The following CDKL4 variants were observed in gnomAD, a reference collection of about 807,000 sequenced individuals.
CDKL4 encodes cyclin dependent kinase like 4, also known as cyclin-dependent kinase-like 4.
CDKL4 carries 44 observed loss-of-function variants against 42.0 expected under a neutral mutation model. The ratio of observed to expected loss-of-function variants is 1.05; its 90% CI spans 0.82 to 1.35. CDKL4 has a LOEUF of 1.35. Ranked by LOEUF, CDKL4 falls within the 40% of genes most tolerant of loss-of-function variation. The pLI, the probability that CDKL4 is intolerant of heterozygous loss-of-function variation, is 0.00. For synonymous variants in CDKL4, 120 were observed against 121.6 expected (o/e 0.99, Z 0.09); for missense variants, 393 against 369.9 (o/e 1.06, Z -0.51).
chr2:39,182,105 C>T (rs1411829159), intron 8 of CDKL4, among the ~76,000 whole-genome samples: 1 of 152,142 alleles, frequency 6.6e-6, no homozygotes, highest in Non-Finnish European at 1.5e-5. Flanking sequence ...CCTTAGCCTC[C>T]CAAGTAGCTG....
At chr2:39,187,098 T>C (rs1205581397) in intron 7 of CDKL4, among the ~76,000 whole-genome samples, 1 of 152,090 alleles carries the variant, frequency 6.6e-6, no homozygotes, top group Non-Finnish European at 1.5e-5. Context: ...GCTGTTCTCA[T>C]GATAGTAAGG....
chr2:39,237,735 TA>T (rs1378867561), intron 1 of CDKL4, among the ~76,000 whole-genome samples: 1 of 152,110 alleles, frequency 6.6e-6, no homozygotes, highest in Admixed American at 6.6e-5. Flanking sequence ...TATATATGAA[TA>T]TTTTTTTAAA....
intron 3 of CDKL4, among the ~76,000 whole-genome samples, chr2:39,221,676 T>TA (rs1335335826): frequency 6.6e-6 from 1 of 152,218 alleles, no homozygotes; most frequent in Non-Finnish European, 1.5e-5. Flanking sequence ...TTGTAAAACT[T>TA]AAGAGTGCAA....
At chr2:39,177,135 T>G (rs1675197559) in intron 9 of CDKL4, among the ~76,000 whole-genome samples, 1 of 152,198 alleles carries the variant, frequency 6.6e-6, no homozygotes. Flanking sequence ...TTCCTTTTGC[T>G]GCCTCTGGGC....
chr2:39,239,557 A>G (rs1285393217), intron 1 of CDKL4, among the ~76,000 whole-genome samples: 3 of 152,264 alleles, frequency 2.0e-5, no homozygotes, highest in Non-Finnish European at 2.9e-5. Flanking sequence ...AGATGTGAAT[A>G]GACATTTTAC....
At chr2:39,233,044 C>CAAAAAAAAAAAAAAA (rs72150084) in intron 1 of CDKL4, among the ~76,000 whole-genome samples, 2 of 66,100 alleles carry the variant, frequency 3.0e-5, no homozygotes. Flanking sequence ...GACTCCATCT[C>CAAAAAAAAAAAAAAA]AAAAAAAAAA....
At chr2:39,241,257 G>A (rs1055520530) in intron 1 of CDKL4, among the ~76,000 whole-genome samples, 2 of 152,090 alleles carry the variant, frequency 1.3e-5, no homozygotes, top group Non-Finnish European at 2.9e-5. Flanking sequence ...AAATTAATAT[G>A]CATGTGTTAT....
chr2:39,198,260 T>TAA (rs55994878), intron 5 of CDKL4, among the ~76,000 whole-genome samples: 98,885 of 146,442 alleles, frequency 0.68, 36,811 homozygotes, highest in Non-Finnish European at 0.84. Flanking sequence ...TATATAATGA[T>TAA]AAAAAAAAAA....
intron 9 of CDKL4, among the ~76,000 whole-genome samples, chr2:39,177,518 C>A (rs1259182834): frequency 6.6e-6 from 1 of 151,782 alleles, no homozygotes; most frequent in Admixed American, 6.6e-5. Flanking sequence ...GATTCTCCTG[C>A]CTCAGCCCCC....
Position 39,195,641 on chromosome 2 carries a change from A to ATTTT in CDKL4, c.455-5143_455-5140dup, listed in dbSNP as rs770948985. ...TTTTTATTTTTTACATTTTTAATTA[A>ATTTT]TTTTTTTTTTTTTTTTTTTGAGACA... On this transcript the variant is annotated intron_variant, in intron 5 of 9. Coordinates refer to ENST00000451199, the Ensembl canonical transcript of CDKL4. Among the ~76,000 whole-genome samples, 328 of 131,428 alleles carry ATTTT rather than the reference A, an allele frequency of 2.5e-3. 5 individuals carry two copies. The highest frequency in any genetic ancestry group is 8.7e-3 in the African/African-American group (307 of 35,214). The allele number at this position is 131,428 out of a possible 152,430, so 86.2% of individuals were successfully genotyped here. A position where few individuals can be genotyped will look rare whatever the true frequency, so the allele number is the denominator to read the frequency against.
intron 7 of CDKL4, among the ~76,000 whole-genome samples, chr2:39,185,275 C>T (rs13423295): frequency 4.0e-5 from 2 of 49,894 alleles, no homozygotes; most frequent in African/African-American, 1.1e-4. Flanking sequence ...CATATATATA[C>T]ACATATGTAT....
chr2:39,235,866 G>A (rs900326320), intron 1 of CDKL4, among the ~76,000 whole-genome samples: 2 of 151,690 alleles, frequency 1.3e-5, no homozygotes, highest in Non-Finnish European at 2.9e-5. Context: ...GATTTTAGGA[G>A]GAAGTAGGAA....
intron 1 of CDKL4, among the ~76,000 whole-genome samples, chr2:39,236,045 A>T (rs1322315550): frequency 1.3e-5 from 2 of 152,038 alleles, no homozygotes; most frequent in Non-Finnish European, 1.5e-5. Flanking sequence ...AATTAAAGCA[A>T]ATTATAATTT....
chr2:39,205,512 G>A (rs1035976194), intron 4 of CDKL4, among the ~76,000 whole-genome samples: 1 of 151,642 alleles, frequency 6.6e-6, no homozygotes, highest in African/African-American at 2.4e-5. Context: ...CTGTAATCCA[G>A]CACTTTGGGA....
At chr2:39,217,617 A>C (rs970306250) in intron 3 of CDKL4, among the ~76,000 whole-genome samples, 5 of 151,962 alleles carry the variant, frequency 3.3e-5, no homozygotes, top group African/African-American at 7.3e-5. Flanking sequence ...TCCCTTCCCA[A>C]CTTTATCTCC....
intron 1 of CDKL4, among the ~76,000 whole-genome samples, chr2:39,238,403 A>T (rs1679478527): frequency 6.6e-6 from 1 of 152,180 alleles, no homozygotes; most frequent in African/African-American, 2.4e-5. Flanking sequence ...ACTGCACTCT[A>T]GCCTAGGCAA....
At chr2:39,182,240 C>T (rs891082419) in intron 8 of CDKL4, among the ~76,000 whole-genome samples, 4 of 152,202 alleles carry the variant, frequency 2.6e-5, no homozygotes, top group Non-Finnish European at 5.9e-5. Flanking sequence ...ATCCTCCTGC[C>T]TTGGACTCCT....
chr2:39,181,238 C>T (rs2148282404), intron 8 of CDKL4, among the ~76,000 whole-genome samples: 1 of 152,280 alleles, frequency 6.6e-6, no homozygotes, highest in Admixed American at 6.5e-5. Flanking sequence ...TTGCTCCTCC[C>T]TCCTGGCCAC....
At position 39,219,431 on chromosome 2, in the gene CDKL4, A is replaced by ATTTT. The variant is rs1297554530; in HGVS notation, c.291-5963_291-5960dup. Among the ~76,000 whole-genome samples, 220 of 149,418 alleles carry ATTTT rather than the reference A, an allele frequency of 1.5e-3. 1 individual carries two copies. Among genetic ancestry groups the ATTTT allele is most frequent in the South Asian group, 2.9e-3 (14 of 4,768 alleles). ...TATTTATTTATTTATTTATTTATTT[A>ATTTT]TTTTTTTGAGACAGAGTCTCGCTCT... is the stretch of plus-strand genomic sequence containing the variant. On this transcript the variant is annotated intron_variant, in intron 3 of 9. Coordinates refer to ENST00000451199, the Ensembl canonical transcript of CDKL4.
Sources: allele counts gnomAD v4.1 joint callset (sites outside exome capture counted in the v4.1 genomes callset), GRCh38; gene constraint gnomAD v4.1.1; transcripts MANE v1.5; gene names NCBI Gene and HGNC (gene_info 2026-07-23, HGNC 2026-07-21).